Variants in TMCC3 observed in about 807,000 individuals in gnomAD.
TMCC3 encodes transmembrane and coiled-coil domain protein 3.
In TMCC3, 28 loss-of-function variants were observed where a neutral mutation model predicts 40.2. The observed-to-expected ratio is 0.70, with a 90% CI of 0.52 to 0.95. The LOEUF (loss-of-function observed/expected upper bound fraction) is 0.95. Ranked by LOEUF, TMCC3 falls within the 40% of genes least tolerant of loss-of-function variation. The probability of loss-of-function intolerance (pLI) is 0.00; values close to 1 mark genes in which losing one functional copy is unlikely to be tolerated. For synonymous variants in TMCC3, 255 were observed against 248.5 expected (o/e 1.03, Z -0.25); for missense variants, 554 against 615.2 (o/e 0.90, Z 1.05).
intron 1 of TMCC3, among the ~76,000 whole-genome samples, chr12:94,602,900 C>T (rs924962840): frequency 2.6e-5 from 4 of 152,074 alleles, no homozygotes. Context: ...CTTAGGTCCT[C>T]GTAAAGAAGC....
In TMCC3 at chr12:94,593,375, A is replaced by AGAAAGG. The variant is rs376635076; in HGVS notation, c.79-10838_79-10837insCCTTTC. Among the ~76,000 whole-genome samples the AGAAAGG allele has an allele frequency of 9.5e-3, 260 of 27,508 alleles. 96 individuals carry two copies. The highest frequency in any genetic ancestry group is 0.024 in the African/African-American group (147 of 6,246). 18.0% of individuals were successfully genotyped at this position (27,508 alleles called of 152,430 possible). A position where few individuals can be genotyped will look rare whatever the true frequency, so the allele number is the denominator to read the frequency against. On this transcript the variant is annotated intron_variant, in intron 1 of 3. Transcript: ENST00000261226. ...GGCTCCATCTAAAAAAAAAAAAAGAAAAGAAAAGAAAGAAGAAAGAAGAAA... is the reference window on the plus strand; with the variant it reads ...GGCTCCATCTAAAAAAAAAAAAAGAAGAAAGGAAGAAAAGAAAGAAGAAAGAAGAAA...
chr12:94,585,161 A>C (rs2068630621), intron 1 of TMCC3, among the ~76,000 whole-genome samples: 1 of 152,180 alleles, frequency 6.6e-6, no homozygotes, highest in South Asian at 2.1e-4. Flanking sequence ...TGGCTACTAA[A>C]TGAAATAATA....
At chr12:94,604,466 C>T (rs1025328890) in intron 1 of TMCC3, among the ~76,000 whole-genome samples, 1 of 151,976 alleles carries the variant, frequency 6.6e-6, no homozygotes. Flanking sequence ...ATGATAAGCT[C>T]TGCCCTAAGA....
Position 94,571,352 on chromosome 12 carries a change from A to G in TMCC3, c.*83T>C, listed in dbSNP as rs757448030. On this transcript the variant is annotated 3_prime_UTR_variant, in exon 4 of 4. Transcript: ENST00000261226. ...TTCTTACACACGAGTCCGCACAATC[A>G]TTCACTGTAAAATTTGGTAGTATGC... The G allele has an allele frequency of 3.5e-6, 5 of 1,410,312 alleles. No individual in the cohort carries two copies. The highest frequency in any genetic ancestry group is 2.9e-5 in the African/African-American group (2 of 69,690). 87.4% of individuals were successfully genotyped at this position (1,410,312 alleles called of 1,614,324 possible). A position where few individuals can be genotyped will look rare whatever the true frequency, so the allele number is the denominator to read the frequency against.
chr12:94,596,364 T>G (rs889843924), intron 1 of TMCC3, among the ~76,000 whole-genome samples: 1 of 152,198 alleles, frequency 6.6e-6, no homozygotes, highest in East Asian at 1.9e-4. Context: ...TCTTATTCCA[T>G]GTGTGTGACG....
At chr12:94,630,965 G>C (rs2068930334) in intron 1 of TMCC3, among the ~76,000 whole-genome samples, 1 of 152,158 alleles carries the variant, frequency 6.6e-6, no homozygotes, top group South Asian at 2.1e-4. Flanking sequence ...CTGACCTCAA[G>C]TGATCTGCCC....
intron 1 of TMCC3, among the ~76,000 whole-genome samples, chr12:94,634,238 C>G (rs570471959): frequency 2.0e-5 from 3 of 152,070 alleles, no homozygotes; most frequent in African/African-American, 7.2e-5. Flanking sequence ...AACCACCGTG[C>G]CTGGCCCAGT....
At position 94,569,301 on chromosome 12, in the gene TMCC3, G is replaced by C. The variant is rs1207740370; in HGVS notation, c.*2134C>G. Reference sequence around the variant, plus strand: ...GCCCACGCTGAGTCTGATGCCCACAGGTAAAGGGTAATGCTGGCCATCGAA... The same window carrying C: ...GCCCACGCTGAGTCTGATGCCCACACGTAAAGGGTAATGCTGGCCATCGAA... On this transcript the variant is annotated 3_prime_UTR_variant, in exon 4 of 4. Coordinates refer to ENST00000261226, the MANE Select transcript of TMCC3 (RefSeq NM_020698.4). 6.6e-6 allele frequency: 1 copy of C among 152,244 alleles called. No individual in the cohort carries two copies. The highest frequency in any genetic ancestry group is 2.4e-5 in the African/African-American group (1 of 41,452). The allele number at this position is 152,244 out of a possible 1,614,324, so 9.4% of individuals were successfully genotyped here. A position where few individuals can be genotyped will look rare whatever the true frequency, so the allele number is the denominator to read the frequency against.
At chr12:94,597,264 A>G (rs1468664223) in intron 1 of TMCC3, among the ~76,000 whole-genome samples, 1 of 151,188 alleles carries the variant, frequency 6.6e-6, no homozygotes, top group African/African-American at 2.4e-5. Context: ...GCAGTGAACT[A>G]TGATTGCTCC....
chr12:94,624,416 ATAT>A (rs1340009709), intron 1 of TMCC3, among the ~76,000 whole-genome samples: 1 of 152,234 alleles, frequency 6.6e-6, no homozygotes, highest in Non-Finnish European at 1.5e-5. Context: ...ATACAATGAA[ATAT>A]TATTCAGCCA....
chr12:94,584,744 C>A (rs1490986238), intron 1 of TMCC3, among the ~76,000 whole-genome samples: 1 of 151,912 alleles, frequency 6.6e-6, no homozygotes, highest in South Asian at 2.1e-4. Context: ...CTTTATCTGG[C>A]AGAGGAGCAC....
At chr12:94,602,046 T>C (rs2068756253) in intron 1 of TMCC3, among the ~76,000 whole-genome samples, 1 of 152,156 alleles carries the variant, frequency 6.6e-6, no homozygotes, top group Non-Finnish European at 1.5e-5. Context: ...TAATCCTGTT[T>C]GAAAAACAGT....
At chr12:94,610,525 T>C (rs796980552) in intron 1 of TMCC3, among the ~76,000 whole-genome samples, 8 of 152,176 alleles carry the variant, frequency 5.3e-5, no homozygotes, top group African/African-American at 1.9e-4. Flanking sequence ...GATTCTTCTA[T>C]GCTGCTTCTA....
At chr12:94,588,922 C>T (rs2068654759) in intron 1 of TMCC3, among the ~76,000 whole-genome samples, 1 of 151,290 alleles carries the variant, frequency 6.6e-6, no homozygotes, top group Non-Finnish European at 1.5e-5. Flanking sequence ...CTCCTGGGTT[C>T]AAGTGATTCT....
chr12:94,604,794 A>C, intron 1 of TMCC3, among the ~76,000 whole-genome samples: 1 of 99,016 alleles, frequency 1.0e-5, no homozygotes, highest in South Asian at 3.8e-4. Context: ...ACAGAGTGAG[A>C]CTTCATCTCA....
chr12:94,611,606 T>C (rs1057259671), intron 1 of TMCC3, among the ~76,000 whole-genome samples: 4 of 152,192 alleles, frequency 2.6e-5, no homozygotes, highest in African/African-American at 9.7e-5. Flanking sequence ...CTCCTGCAGA[T>C]ACCAAAATCT....
chr12:94,620,180 T>C (rs1002268703), intron 1 of TMCC3, among the ~76,000 whole-genome samples: 3 of 151,508 alleles, frequency 2.0e-5, no homozygotes, highest in Admixed American at 6.6e-5. Flanking sequence ...AAAAGAAACA[T>C]AACATTATTA....
At position 94,570,885 on chromosome 12, in the gene TMCC3, T is replaced by C. The variant is rs932104600; in HGVS notation, c.*550A>G. On this transcript the variant is annotated 3_prime_UTR_variant, in exon 4 of 4. Transcript: ENST00000261226. Reference sequence around the variant, plus strand: ...ATAAGATTTCCACGTTACAGGGTCATACACGACTGACTGCTGTGGACACTG... The same window carrying C: ...ATAAGATTTCCACGTTACAGGGTCACACACGACTGACTGCTGTGGACACTG... 5.8e-5 allele frequency: 9 copies of C among 155,310 alleles called. No individual in the cohort carries two copies. The highest frequency in any genetic ancestry group is 2.2e-4 in the African/African-American group (9 of 41,446). The allele number at this position is 155,310 out of a possible 1,614,324, so 9.6% of individuals were successfully genotyped here. A position where few individuals can be genotyped will look rare whatever the true frequency, so the allele number is the denominator to read the frequency against.
At chr12:94,625,240 G>C (rs937014485) in intron 1 of TMCC3, among the ~76,000 whole-genome samples, 1 of 151,750 alleles carries the variant, frequency 6.6e-6, no homozygotes, top group African/African-American at 2.4e-5. Context: ...GTGGTGGTTA[G>C]GACTTCAACA....
Sources: gnomAD v4.1 joint callset for allele counts (sites outside exome capture counted in the v4.1 genomes callset) on GRCh38, gnomAD v4.1.1 for gene constraint, MANE v1.5 for transcripts, NCBI Gene and HGNC (gene_info 2026-07-23, HGNC 2026-07-21) for gene names.